DISC1: variants seen among roughly 807,000 people sequenced by gnomAD.
The protein encoded by DISC1 is disrupted in schizophrenia 1 protein.
Under a neutral mutation model 84.5 loss-of-function variants are expected in DISC1, and 57 were observed. That is an observed-to-expected ratio of 0.67 (90% confidence interval 0.55 to 0.84). The LOEUF (loss-of-function observed/expected upper bound fraction) is 0.84, where lower values mean the gene tolerates loss of function less well. DISC1 is among the 40% of genes least tolerant of loss of function. The pLI, the probability that DISC1 is intolerant of heterozygous loss-of-function variation, is 0.00. For synonymous variants in DISC1, 411 were observed against 415.2 expected, an observed-to-expected ratio of 0.99 and a Z score of 0.12; for missense variants, 1,000 against 1,057.8, an observed-to-expected ratio of 0.95 and a Z score of 0.76.
chr1:231,919,925 A>G (rs140989327), intron 9 of DISC1, among the ~76,000 whole-genome samples: 2,185 of 152,216 alleles, frequency 0.014, 24 homozygotes, highest in Middle Eastern at 0.02. Flanking sequence ...GGTCTTAGGG[A>G]AAATCATGTG....
intron 3 of DISC1, among the ~76,000 whole-genome samples, chr1:231,733,876 G>T (rs1204227776): frequency 6.6e-6 from 1 of 150,784 alleles, no homozygotes; most frequent in Non-Finnish European, 1.5e-5. Flanking sequence ...GGTGACAGTT[G>T]TGATGGTTGG....
At chr1:231,749,648 C>T (rs201245502) in intron 3 of DISC1, among the ~76,000 whole-genome samples, 102 of 152,182 alleles carry the variant, frequency 6.7e-4, no homozygotes, top group Admixed American at 1.6e-3. Context: ...TTAAGTATCC[C>T]TCTGTGTGAA....
At chr1:231,848,743 T>C (rs2083642542) in intron 9 of DISC1, among the ~76,000 whole-genome samples, 1 of 152,190 alleles carries the variant, frequency 6.6e-6, no homozygotes, top group African/African-American at 2.4e-5. Context: ...TTTTTGTGCA[T>C]AGGTGAATTG....
chr1:231,978,731 G>T (rs113758442), intron 10 of DISC1, among the ~76,000 whole-genome samples: 1 of 152,178 alleles, frequency 6.6e-6, no homozygotes, highest in African/African-American at 2.4e-5. Context: ...AAACTTCATT[G>T]TTTTCTGATG....
intron 3 of DISC1, among the ~76,000 whole-genome samples, chr1:231,716,065 G>C (rs1422192086): frequency 6.6e-6 from 1 of 152,146 alleles, no homozygotes; most frequent in Non-Finnish European, 1.5e-5. Context: ...TGATGTGTGT[G>C]AGATGCCTGC....
chr1:232,009,077 G>A lies in DISC1; in HGVS notation c.2307+28G>A, dbSNP rs781228929. The A allele has an allele frequency of 3.1e-6, 5 of 1,613,434 alleles. No individual in the cohort carries two copies. The highest frequency in any genetic ancestry group is 4.2e-6 in the Non-Finnish European group (5 of 1,179,698). ...CTGTCCTTTTCACATGGCCTCCAGA[G>A]GGGACCCTTATTCTAAGGGGTGCTT... On this transcript the variant is annotated intron_variant, in intron 11 of 12. Transcript: ENST00000439617. This position sits in a 1 kb window ranked among gnomAD's most constrained non-coding sequence, Gnocchi z 4.6.
At chr1:231,651,056 C>A (rs1388355977) in intron 1 of DISC1, among the ~76,000 whole-genome samples, 1 of 152,154 alleles carries the variant, frequency 6.6e-6, no homozygotes, top group Non-Finnish European at 1.5e-5. Context: ...CTTCTGAAGT[C>A]TACTTGTGTC....
intron 9 of DISC1, among the ~76,000 whole-genome samples, chr1:231,950,721 C>T (rs938240267): frequency 6.6e-6 from 1 of 152,188 alleles, no homozygotes; most frequent in African/African-American, 2.4e-5. Context: ...AGATGATACC[C>T]AATTAACTAG....
chr1:231,750,994 C>T (rs941063997), intron 4 of DISC1, among the ~76,000 whole-genome samples: 5 of 152,240 alleles, frequency 3.3e-5, no homozygotes, highest in Admixed American at 3.3e-4. Context: ...CCTGCCTGCA[C>T]AGTGAGACCA....
intron 9 of DISC1, among the ~76,000 whole-genome samples, chr1:231,912,606 C>A (rs1297293469): frequency 2.6e-5 from 4 of 152,126 alleles, no homozygotes; most frequent in Non-Finnish European, 5.9e-5. Context: ...GAGGTGCCTC[C>A]CAGTTAGGCT....
In DISC1 at chr1:231,630,316, A is replaced by T. The variant is rs1391538987; in HGVS notation, c.67+3382A>T. 6.6e-6 allele frequency among the ~76,000 whole-genome samples: 1 copy of T among 152,284 alleles called. No homozygotes were observed. The highest frequency in any genetic ancestry group is 2.4e-5 in the African/African-American group (1 of 41,552). On this transcript the variant is annotated intron_variant, in intron 1 of 12. Coordinates refer to ENST00000439617, the MANE Select transcript of DISC1 (RefSeq NM_018662.3). This position sits in a 1 kb window ranked among gnomAD's most constrained non-coding sequence, Gnocchi z 4.4. Reference sequence around the variant, plus strand: ...AGGTTAGGGTCATTAGACCAGAATTAGAATCATTCTTTTTTTTTCTTTTTT... The same window carrying T: ...AGGTTAGGGTCATTAGACCAGAATTTGAATCATTCTTTTTTTTTCTTTTTT...
chr1:231,683,816 C>T (rs6659851), intron 1 of DISC1, among the ~76,000 whole-genome samples: 9,455 of 151,964 alleles, frequency 0.062, 944 homozygotes, highest in African/African-American at 0.22. Context: ...TGGAAGCCAC[C>T]CTGGGCCTAT....
rs146158974 is a variant in DISC1 at position 231,682,863 on chromosome 1, C to A, written c.68-10963C>A. Reference sequence around the variant, plus strand: ...CAGTATCCTTTTCCTGTTCCCCGATCCAATCCAGGATCCCACACTGTATGT... The same window carrying A: ...CAGTATCCTTTTCCTGTTCCCCGATACAATCCAGGATCCCACACTGTATGT... On this transcript the variant is annotated intron_variant, in intron 1 of 12. Coordinates refer to ENST00000439617, the MANE Select transcript of DISC1 (RefSeq NM_018662.3). 2.9e-3 allele frequency among the ~76,000 whole-genome samples: 437 copies of A among 152,350 alleles called. 7 individuals are homozygous for A. The highest frequency in any genetic ancestry group is 0.01 in the African/African-American group (419 of 41,582).
intron 1 of DISC1, among the ~76,000 whole-genome samples, chr1:231,641,544 G>A (rs192915404): frequency 4.3e-4 from 65 of 152,312 alleles, no homozygotes; most frequent in African/African-American, 1.5e-3. Context: ...TGCAAACAGC[G>A]AAAGAACAAA....
chr1:231,756,600 G>A (rs2075163597), intron 4 of DISC1, among the ~76,000 whole-genome samples: 1 of 150,418 alleles, frequency 6.6e-6, no homozygotes, highest in East Asian at 2.0e-4. Flanking sequence ...TTGCCCTAGA[G>A]GAAAATGCTC....
intron 1 of DISC1, among the ~76,000 whole-genome samples, chr1:231,691,960 T>G (rs1208805960): frequency 6.6e-6 from 1 of 152,232 alleles, no homozygotes; most frequent in East Asian, 1.9e-4. Context: ...GGCCTCTGTC[T>G]TGAAGAAAGA....
chr1:231,836,836 A>G (rs1574173329), intron 9 of DISC1, among the ~76,000 whole-genome samples: 1 of 151,866 alleles, frequency 6.6e-6, no homozygotes, highest in Non-Finnish European at 1.5e-5. Context: ...TCCCCGTGTG[A>G]TCTGAGTCGG....
chr1:231,979,246 A>G (rs1663253186), intron 10 of DISC1, among the ~76,000 whole-genome samples: 2 of 152,132 alleles, frequency 1.3e-5, no homozygotes, highest in South Asian at 4.2e-4. Context: ...TAATTGTTTT[A>G]TTAAATATTA....
chr1:231,828,326 A>G (rs2082002802), intron 9 of DISC1, among the ~76,000 whole-genome samples: 1 of 152,206 alleles, frequency 6.6e-6, no homozygotes. Flanking sequence ...TTGTTGGGTG[A>G]GACATATACA....
Sources: gnomAD v4.1 joint callset for allele counts (sites outside exome capture counted in the v4.1 genomes callset) on GRCh38, gnomAD v4.1.1 for gene constraint, Gnocchi (gnomAD v3.1) non-coding constraint, MANE v1.5 for transcripts, NCBI Gene and HGNC (gene_info 2026-07-23, HGNC 2026-07-21) for gene names.